Variants in PAPPA2 observed in about 807,000 individuals in gnomAD.
The protein encoded by PAPPA2 is pappalysin 2.
In PAPPA2, 86 loss-of-function variants were observed where a neutral mutation model predicts 176.4. That is an observed-to-expected ratio of 0.49 (90% CI 0.41 to 0.58). The LOEUF is 0.58. Ranked by LOEUF, PAPPA2 falls within the 20% of genes least tolerant of loss-of-function variation. The pLI is 0.00. For synonymous variants in PAPPA2, 809 were observed against 852.2 expected, an observed-to-expected ratio of 0.95 and a Z score of 0.88; for missense variants, 2,073 against 2,256.9, an observed-to-expected ratio of 0.92 and a Z score of 1.65.
intron 11 of PAPPA2, among the ~76,000 whole-genome samples, chr1:176,710,918 G>A (rs756513560): frequency 2.6e-5 from 4 of 152,160 alleles, no homozygotes; most frequent in Admixed American, 6.5e-5. Context: ...ATCCTCGGGT[G>A]CAGCCTTCTT....
intron 2 of PAPPA2, among the ~76,000 whole-genome samples, chr1:176,591,623 G>A (rs1440692354): frequency 1.3e-5 from 2 of 152,188 alleles, no homozygotes; most frequent in Non-Finnish European, 2.9e-5. Flanking sequence ...TTAGCAGATA[G>A]TATTGCTTTG....
intron 14 of PAPPA2, among the ~76,000 whole-genome samples, chr1:176,760,822 T>TTTTG (rs1201464136): frequency 6.6e-6 from 1 of 152,106 alleles, no homozygotes; most frequent in Non-Finnish European, 1.5e-5. Flanking sequence ...TTTTTGTTTT[T>TTTTG]TTTGTTTGTT....
At chr1:176,658,996 T>A (rs1369794345) in intron 3 of PAPPA2, among the ~76,000 whole-genome samples, 1 of 152,058 alleles carries the variant, frequency 6.6e-6, no homozygotes, top group African/African-American at 2.4e-5. Flanking sequence ...AAGGAAATTC[T>A]ATAGAATTTA....
intron 1 of PAPPA2, among the ~76,000 whole-genome samples, chr1:176,467,630 G>A (rs138938928): frequency 1.2e-4 from 18 of 152,290 alleles, no homozygotes; most frequent in Non-Finnish European, 8.8e-5. Flanking sequence ...TGACTATAAG[G>A]TGATGGGTTC....
intron 17 of PAPPA2, among the ~76,000 whole-genome samples, chr1:176,783,592 T>C (rs1255685422): frequency 6.6e-6 from 1 of 152,196 alleles, no homozygotes; most frequent in Non-Finnish European, 1.5e-5. Flanking sequence ...ATTGTGCTGA[T>C]TTGTCTGGAG....
At chr1:176,621,283 A>G (rs956717614) in intron 3 of PAPPA2, among the ~76,000 whole-genome samples, 11 of 152,186 alleles carry the variant, frequency 7.2e-5, no homozygotes, top group African/African-American at 2.7e-4. Flanking sequence ...TTAATCCAAC[A>G]AGCATTTGTT....
intron 3 of PAPPA2, among the ~76,000 whole-genome samples, chr1:176,624,048 C>T (rs1273573666): frequency 6.6e-6 from 1 of 151,984 alleles, no homozygotes; most frequent in Non-Finnish European, 1.5e-5. Flanking sequence ...GCCATGCTTT[C>T]CAGGCTAAAG....
intron 1 of PAPPA2, among the ~76,000 whole-genome samples, chr1:176,510,483 A>G (rs899272688): frequency 3.9e-5 from 6 of 152,160 alleles, no homozygotes; most frequent in African/African-American, 1.4e-4. Context: ...AGAAAAGTTG[A>G]AAGAACTTGT....
chr1:176,752,791 C>T (rs1663243949), intron 14 of PAPPA2, among the ~76,000 whole-genome samples: 1 of 152,202 alleles, frequency 6.6e-6, no homozygotes, highest in East Asian at 1.9e-4. Flanking sequence ...ATCTTATCTT[C>T]AGGTTGACTT....
At chr1:176,780,006 G>T (rs1419508230) in intron 17 of PAPPA2, among the ~76,000 whole-genome samples, 1 of 152,200 alleles carries the variant, frequency 6.6e-6, no homozygotes, top group Non-Finnish European at 1.5e-5. Context: ...ATCCACCTGT[G>T]TATATTCCAG....
intron 15 of PAPPA2, among the ~76,000 whole-genome samples, 188 bp downstream of exon 15, chr1:176,766,025 T>G (rs979945534): frequency 4.6e-5 from 7 of 152,178 alleles, no homozygotes; most frequent in African/African-American, 1.7e-4. Flanking sequence ...GCATGTACAG[T>G]GCTGATTAAG....
chr1:176,607,878 C>T (rs530134826), intron 3 of PAPPA2, among the ~76,000 whole-genome samples: 16 of 152,216 alleles, frequency 1.1e-4, no homozygotes, highest in South Asian at 8.3e-4. Context: ...TCTGCCTAGC[C>T]GTTTTTAATT....
chr1:176,739,814 C>G (rs1227555218), intron 13 of PAPPA2, 53 bp downstream of exon 13: 4 of 1,597,854 alleles, frequency 2.5e-6, no homozygotes, highest in African/African-American at 2.7e-5. Context: ...CCGGTAGACC[C>G]AGAAGTCAGC....
chr1:176,563,018 T>C (rs1651761489), intron 2 of PAPPA2, among the ~76,000 whole-genome samples: 1 of 152,238 alleles, frequency 6.6e-6, no homozygotes, highest in South Asian at 2.1e-4. Flanking sequence ...TTATTTGTTA[T>C]GTGCATGTCT....
intron 1 of PAPPA2, among the ~76,000 whole-genome samples, chr1:176,481,306 A>G (rs1572953244): frequency 6.7e-6 from 1 of 150,310 alleles, no homozygotes; most frequent in South Asian, 2.1e-4. Context: ...ACACAGACAA[A>G]GCACCTTTTT....
chr1:176,627,155 A>G (rs1477404916), intron 3 of PAPPA2, among the ~76,000 whole-genome samples: 1 of 152,106 alleles, frequency 6.6e-6, no homozygotes, highest in Non-Finnish European at 1.5e-5. Flanking sequence ...TCTAGCTACC[A>G]AGAAGGTGCA....
intron 1 of PAPPA2, among the ~76,000 whole-genome samples, chr1:176,536,502 T>G (rs796995474): frequency 2.9e-4 from 44 of 152,346 alleles, no homozygotes; most frequent in African/African-American, 1.0e-3. Flanking sequence ...TAGTTCATGC[T>G]TCCAAGGTTG....
At chr1:176,467,420 A>G (rs1175412368) in intron 1 of PAPPA2, among the ~76,000 whole-genome samples, 1 of 152,154 alleles carries the variant, frequency 6.6e-6, no homozygotes, top group Non-Finnish European at 1.5e-5. Context: ...ATTTGTTGGA[A>G]ACAGAGAATA....
rs200289246 is a variant in PAPPA2, at chr1:176,769,734, A to G, written c.4451A>G (p.Lys1484Arg). The G allele has an allele frequency of 1.2e-5, 19 of 1,613,138 alleles. No individual in the cohort carries two copies. The highest frequency in any genetic ancestry group is 1.4e-5 in the Non-Finnish European group (17 of 1,179,790). ...YANFSCSEGT[K>R]FLKRCSISCV... ...AACTTCTCCTGCTCAGAGGGAACCA[A>G]ATTTCTGAAACGCTGCTCAATCTCT... The change falls in exon 16 of 23, where the codon AAA (lysine) becomes AGA (arginine). Residue 1484 changes from lysine to arginine, a missense_variant. Around this residue, in one of 4 missense-constraint regions of PAPPA2, gnomAD observed 846 missense variants for 857.9 expected, o/e 0.99. Coordinates refer to ENST00000367662, the MANE Select transcript of PAPPA2 (RefSeq NM_020318.3).
Sources: allele counts gnomAD v4.1 joint callset (sites outside exome capture counted in the v4.1 genomes callset), GRCh38; gene constraint gnomAD v4.1.1; regional missense constraint gnomAD v4.1.1; transcripts MANE v1.5; gene names NCBI Gene and HGNC (gene_info 2026-07-23, HGNC 2026-07-21).